HELZ2: variants seen among roughly 807,000 people sequenced by gnomAD.
HELZ2 encodes the protein helicase with zinc finger 2.
In HELZ2, 143 loss-of-function variants were observed where a neutral mutation model predicts 208.8. The observed-to-expected ratio is 0.68, with a 90% confidence interval of 0.60 to 0.79. The LOEUF is 0.79. Among genes scored for constraint, HELZ2 ranks in the 30% least tolerant of loss-of-function variants. The probability of loss-of-function intolerance (pLI) is 0.00; values close to 1 mark genes in which losing one functional copy is unlikely to be tolerated. For synonymous variants in HELZ2, 1,705 were observed against 1,693.7 expected (o/e 1.01, Z -0.16); for missense variants, 3,690 against 3,794.5 (o/e 0.97, Z 0.72).
chr20:63,569,365 T>C, exon 4 of HELZ2: 3 of 1,607,516 alleles, frequency 1.9e-6, no homozygotes, highest in Non-Finnish European at 2.5e-6. Context: ...CAGCGCTCCA[T>C]CTCCTCAGGG....
exon 8 of HELZ2, chr20:63,565,086 G>T: frequency 6.4e-7 from 1 of 1,562,252 alleles, no homozygotes; most frequent in South Asian, 1.2e-5. Context: ...CGCTGCAGCC[G>T]GCCCTTCCGG....
At chr20:63,561,545 G>C in intron 12 of HELZ2, 56 bp downstream of exon 13, 1 of 1,576,766 alleles carries the variant, frequency 6.3e-7, no homozygotes, top group Non-Finnish European at 8.6e-7. Flanking sequence ...ACCTACACAG[G>C]ACTGTCTGGA....
At chr20:63,568,186 C>T (rs1009211227) in intron 5 of HELZ2, 172 bp downstream of exon 6, 8 of 621,432 alleles carry the variant, frequency 1.3e-5, no homozygotes, top group South Asian at 4.1e-5. Context: ...ACAGCAGACC[C>T]GGCCACCCTC....
chr20:63,561,968 G>A lies in HELZ2; in HGVS notation c.6546C>T (p.Ile2182=), dbSNP rs778696138. 111 of 1,595,882 alleles carry A rather than the reference G, an allele frequency of 7.0e-5. 2 individuals carry two copies. In the South Asian group the frequency reaches 1.1e-3, roughly 15 times the overall value. ...ACCAGAATACGATGTGGAGGCCCAC[G>A]ATCGTCTTCCCTGTACCTGCAGCCA... The change falls in exon 11 of 19, where the codon ATC becomes ATT. Residue 2182 remains isoleucine (I), a synonymous_variant. Transcript: ENST00000467148.
chr20:63,571,070 A>G, intron 1 of HELZ2: 3 of 540,036 alleles, frequency 5.6e-6, no homozygotes, highest in East Asian at 2.9e-5. Flanking sequence ...CTCAGAGGCC[A>G]CATGGCTTTA....
chr20:63,561,438 G>T (rs939668031), exon 13 of HELZ2: 8 of 1,611,468 alleles, frequency 5.0e-6, no homozygotes, highest in Non-Finnish European at 6.8e-6. Flanking sequence ...TTGGGGGCCT[G>T]CCGGATCCGG....
At position 63,562,193 on chromosome 20, in the gene HELZ2, G is replaced by C. The variant is rs776156631; in HGVS notation, c.6408C>G (p.Ser2136Arg). The C allele has an allele frequency of 7.6e-5, 122 of 1,612,044 alleles. No individual in the cohort carries two copies. Among genetic ancestry groups the C allele is most frequent in the Non-Finnish European group, 9.7e-5 (115 of 1,179,810 alleles). Residue 2136 changes from serine (S) to arginine (R), a missense_variant, in exon 10 of 19, where the codon AGC (serine) becomes AGG (arginine). Around this residue, in one of 3 missense-constraint regions of HELZ2, gnomAD observed 2,564 missense variants for 2,580.5 expected, o/e 0.99. Transcript: ENST00000467148. ...TGTAGGTCTGCCGCTCCAGGAACCT[G>C]CTGGGGATCACTGAGAGGGGGCAGC...
chr20:63,560,261 G>C (rs886083282), exon 17 of HELZ2: 2 of 1,563,038 alleles, frequency 1.3e-6, no homozygotes, highest in Non-Finnish European at 1.7e-6. Flanking sequence ...GCGTTGTAGG[G>C]CGTGAGGACG....
chr20:63,568,810 G>C (rs373506888), exon 5 of HELZ2: 1 of 1,612,192 alleles, frequency 6.2e-7, no homozygotes, highest in South Asian at 1.1e-5. Context: ...CCGTATTGTC[G>C]GGTGCAGGTA....
chr20:63,568,405 G>C, exon 5 of HELZ2: 1 of 1,609,932 alleles, frequency 6.2e-7, no homozygotes, highest in Non-Finnish European at 8.5e-7. Context: ...GCCTCCGGAT[G>C]ACCTCCAGGG....
At chr20:63,560,351 G>T in intron 16 of HELZ2, 24 bp from the exon 18 acceptor site, 2 of 1,547,452 alleles carry the variant, frequency 1.3e-6, no homozygotes, top group Non-Finnish European at 1.7e-6. Flanking sequence ...GGGGCAGGTG[G>T]AGCGGACCCT....
exon 16 of HELZ2, chr20:63,560,601 C>G: frequency 6.2e-7 from 1 of 1,611,892 alleles, no homozygotes; most frequent in African/African-American, 1.3e-5. Context: ...TCCTTGCCAG[C>G]GTGGCCCAGG....
downstream of HELZ2, chr20:63,558,694 A>G (rs1166765211): frequency 6.6e-6 from 1 of 152,088 alleles, no homozygotes; most frequent in South Asian, 2.1e-4. Context: ...GCCCGCCACC[A>G]CGCCCAGCTA....
At chr20:63,563,697 C>T in exon 8 of HELZ2, 2 of 1,584,232 alleles carry the variant, frequency 1.3e-6, no homozygotes, top group South Asian at 1.1e-5. Flanking sequence ...AGGCTGAAGG[C>T]CTGGCAGAGC....
At chr20:63,565,766 G>A (rs769150906) in exon 8 of HELZ2, 77 of 1,600,944 alleles carry the variant, frequency 4.8e-5, no homozygotes, top group Non-Finnish European at 5.8e-5. Context: ...CGCAGCCTCC[G>A]TCTGCGCTGT....
At chr20:63,572,257 C>G in exon 1 of HELZ2, 1 of 1,587,054 alleles carries the variant, frequency 6.3e-7, no homozygotes, top group Non-Finnish European at 8.6e-7. Flanking sequence ...CCAAGCAGGC[C>G]GGGCAGTACA....
exon 8 of HELZ2, chr20:63,565,523 C>T (rs1354006322): frequency 6.2e-7 from 1 of 1,606,656 alleles, no homozygotes; most frequent in Admixed American, 1.7e-5. Flanking sequence ...GGACTCGGGC[C>T]TGGCGACAGT....
At chr20:63,571,380 AACCTCT>A (rs1161423420) in intron 1 of HELZ2, 6 of 134,884 alleles carry the variant, frequency 4.4e-5, no homozygotes, top group South Asian at 1.6e-4. Context: ...AGCTCCTGGG[AACCTCT>A]GGCTCTGCCT....
At chr20:63,561,020 C>T in intron 14 of HELZ2, 62 bp downstream of exon 15, 1 of 1,596,546 alleles carries the variant, frequency 6.3e-7, no homozygotes, top group South Asian at 1.1e-5. Flanking sequence ...CACAGGGCAC[C>T]CCAGGTGGGA....
Sources: allele counts gnomAD v4.1 joint callset, GRCh38; gene constraint gnomAD v4.1.1; regional missense constraint gnomAD v4.1.1; transcripts MANE v1.5; gene names NCBI Gene and HGNC (gene_info 2026-07-23, HGNC 2026-07-21).